SLX4: variants seen among roughly 807,000 people sequenced by gnomAD.
SLX4 encodes structure-specific endonuclease subunit SLX4.
In SLX4, 112 loss-of-function variants were observed where a neutral mutation model predicts 146.2. That is an observed-to-expected ratio of 0.77 (90% CI 0.66 to 0.90). SLX4 has a LOEUF of 0.90. Ranked by LOEUF, SLX4 falls within the 40% of genes least tolerant of loss-of-function variation. The pLI is 0.00. For synonymous variants in SLX4, 1,061 were observed against 997.7 expected (o/e 1.06, Z -1.20); for missense variants, 2,563 against 2,392.7 (o/e 1.07, Z -1.49).
At chr16:3,602,393 C>T (rs527986782) in intron 3 of SLX4, 86 bp from the exon 4 acceptor site, 1 of 1,504,050 alleles carries the variant, frequency 6.6e-7, no homozygotes, top group African/African-American at 1.4e-5. Context: ...TCCTGCAGAC[C>T]ATGGGGAGCA....
chr16:3,590,882 G>A lies in SLX4; in HGVS notation c.2756C>T (p.Thr919Ile), dbSNP rs145533919. Residue 919 changes from threonine to isoleucine, a missense_variant, in exon 12 of 15, where the codon ACC becomes ATC. Physicochemically the swap from Thr to Ile is moderately conservative, Grantham distance 89. Coordinates refer to ENST00000294008, the MANE Select transcript of SLX4 (RefSeq NM_032444.4). The surrounding 1 kb of genome is among the most constrained non-coding windows in gnomAD (Gnocchi z 4.8). ...AGCGCACTGTCCCATCTTCTCCCAG[G>A]TGGTGGCGGCCTCATCTCTTCCTGG... ...LEPGRDEAAT[T>I]WEKMGQCALP... 134 of 1,614,058 alleles carry A rather than the reference G, an allele frequency of 8.3e-5. 1 individual carries two copies. The African/African-American group carries it at 1.6e-3, about 20-fold the overall frequency.
intron 2 of SLX4, among the ~76,000 whole-genome samples, chr16:3,607,812 C>A (rs910366157): frequency 2.0e-5 from 3 of 152,194 alleles, no homozygotes; most frequent in Non-Finnish European, 4.4e-5. Context: ...CTCATGCGGC[C>A]CTCTCAGCAG....
Position 3,589,900 on chromosome 16 carries a change from G to A in SLX4, c.3738C>T (p.Ser1246=), listed in dbSNP as rs376232540. 86 of 1,613,822 alleles carry A rather than the reference G, an allele frequency of 5.3e-5. No individual in the cohort carries two copies. The highest frequency in any genetic ancestry group is 3.3e-4 in the Admixed American group (20 of 60,020). The change falls in exon 12 of 15, where the codon AGC becomes AGT. Residue 1246 remains serine (S), a synonymous_variant. Transcript: ENST00000294008. This position sits in a 1 kb window ranked among gnomAD's most constrained non-coding sequence, Gnocchi z 6.2. ...ACGAGGTGTCTGTGGTGCTGGCCTC[G>A]CTGGGGCTGCTCTCACGGTCACAGA... is the stretch of plus-strand genomic sequence containing the variant. The part of the protein sequence containing the change: ...WLFCDRESSP[S]EASTTDTSWL...
rs778046762 is a variant in SLX4 at position 3,608,977 on chromosome 16, C to T, written c.-13G>A. On this transcript the variant is annotated 5_prime_UTR_variant, in exon 2 of 15. It removes the in-frame stop codon of an upstream open reading frame in the 5' UTR. Coordinates refer to ENST00000294008, the MANE Select transcript of SLX4 (RefSeq NM_032444.4). ...CACTCAGTTTCATTAGGGTTCTTCT[C>T]TACTTCTCCATTAGATACTTGGAGA... is the stretch of plus-strand genomic sequence containing the variant. 2.5e-6 allele frequency: 4 copies of T among 1,610,934 alleles called. No individual in the cohort carries two copies. In the South Asian group the frequency reaches 4.4e-5, roughly 18 times the overall value.
chr16:3,583,424 T>A lies in SLX4; in HGVS notation c.4826A>T (p.Asp1609Val). Residue 1609 changes from aspartate to valine, a missense_variant, in exon 14 of 15, where the codon GAC (aspartate) becomes GTC (valine). Coordinates refer to ENST00000294008, the MANE Select transcript of SLX4 (RefSeq NM_032444.4). ...FQYTHQTLDS[D>V]SEDESQSSQP... Reference sequence around the variant, plus strand: ...TGAGGACTGGCTCTCGTCCTCGGAGTCTGAGTCCAGGGTCTGGTGAGTGTA... The same window carrying A: ...TGAGGACTGGCTCTCGTCCTCGGAGACTGAGTCCAGGGTCTGGTGAGTGTA... 1 of 1,613,768 alleles carries A rather than the reference T, an allele frequency of 6.2e-7. No homozygotes were observed. Among genetic ancestry groups the A allele is most frequent in the Non-Finnish European group, 8.5e-7 (1 of 1,179,840 alleles).
chr16:3,610,681 T>G (rs1484238767), intron 1 of SLX4, among the ~76,000 whole-genome samples: 1 of 152,212 alleles, frequency 6.6e-6, no homozygotes, highest in Non-Finnish European at 1.5e-5. Context: ...ATCGGCTTAT[T>G]ATCTGTCCCC....
At position 3,583,316 on chromosome 16, in the gene SLX4, T is replaced by C; in HGVS notation, c.4934A>G (p.Gln1645Arg). 6.2e-7 allele frequency: 1 copy of C among 1,614,118 alleles called. No homozygotes were observed. The highest frequency in any genetic ancestry group is 8.5e-7 in the Non-Finnish European group (1 of 1,180,004). Residue 1645 changes from glutamine (Q) to arginine (R), a missense_variant, in exon 14 of 15, where the codon CAG (glutamine) becomes CGG (arginine). Gln to Arg is a conservative substitution (Grantham distance 43). Coordinates refer to ENST00000294008, the MANE Select transcript of SLX4 (RefSeq NM_032444.4). ...GGCCCCAGGTCCTGTGGTGGCCTCC[T>C]GCTGGGCATGGACCCCTGCCCTTGA... ...KPSRAGVHAQ[Q>R]EATTGPGAHR... is the part of the protein sequence containing the mutation.
intron 12 of SLX4, among the ~76,000 whole-genome samples, chr16:3,585,344 T>G (rs1057504748): frequency 3.3e-5 from 5 of 152,100 alleles, no homozygotes; most frequent in Non-Finnish European, 7.4e-5. Context: ...CCCAGCACTT[T>G]GGGAGGCCGA....
chr16:3,602,384 C>T (rs1046623998), intron 3 of SLX4, 77 bp from the exon 4 acceptor site: 6 of 1,543,190 alleles, frequency 3.9e-6, no homozygotes, highest in Non-Finnish European at 5.3e-6. Flanking sequence ...TCTGTCAGCT[C>T]CTGCAGACCA....
chr16:3,601,488 T>C (rs1015043400), intron 4 of SLX4: 5 of 446,972 alleles, frequency 1.1e-5, no homozygotes, highest in African/African-American at 1.0e-4. Context: ...CCCAAACAAA[T>C]ACATGAAACC....
At chr16:3,598,909 C>A (rs192581911) in intron 5 of SLX4, among the ~76,000 whole-genome samples, 1 of 152,332 alleles carries the variant, frequency 6.6e-6, no homozygotes, top group East Asian at 1.9e-4. Flanking sequence ...GAATATGAGG[C>A]ACTCTGGCCG....
At position 3,596,327 on chromosome 16, in the gene SLX4, A is replaced by G; in HGVS notation, c.1750T>C (p.Ser584Pro). The G allele has an allele frequency of 6.3e-7, 1 of 1,587,066 alleles. No individual in the cohort carries two copies. Among genetic ancestry groups the G allele is most frequent in the Non-Finnish European group, 8.6e-7 (1 of 1,167,404 alleles). The change falls in exon 8 of 15, where the codon TCA becomes CCA. Residue 584 changes from serine (S) to proline (P), a missense_variant. By Grantham distance (74) the Ser-to-Pro change is moderately conservative. Coordinates refer to ENST00000294008, the MANE Select transcript of SLX4 (RefSeq NM_032444.4). ...GTGGGGGTGCCGTGGAGAGCGGGTG[A>G]CCTTCGCTCGCTCAGCTCTGAGTGC... The part of the protein sequence containing the change: ...PEHSELSERR[S>P]PALHGTPTAG...
At chr16:3,591,343 T>C (rs1215764499) in intron 11 of SLX4, 33 bp from the exon 12 acceptor site, 1 of 1,605,438 alleles carries the variant, frequency 6.2e-7, no homozygotes, top group Non-Finnish European at 8.5e-7. Flanking sequence ...TCATCGCCCC[T>C]CTGCGTGGAG....
In SLX4 at chr16:3,606,341, G is replaced by C. The variant is rs1015327541; in HGVS notation, c.760+133C>G. The C allele has an allele frequency of 7.3e-6, 7 of 963,312 alleles. No individual in the cohort carries two copies. The African/African-American group carries it at 1.1e-4, about 15-fold the overall frequency. The allele number at this position is 963,312 out of a possible 1,614,324, so 59.7% of individuals were successfully genotyped here. On this transcript the variant is annotated intron_variant, in intron 3 of 14. Coordinates refer to ENST00000294008, the MANE Select transcript of SLX4 (RefSeq NM_032444.4). ...ATTCTCTGGCTGGATCCAGTGAAGT[G>C]GCAAAGGTAAAACATCAAGCAGAGA...
rs1361896601 is a variant in SLX4, at chr16:3,583,259, C to A, written c.4991G>T (p.Gly1664Val). The change falls in exon 14 of 15, where the codon GGC becomes GTC. Residue 1664 changes from glycine to valine, a missense_variant. Coordinates refer to ENST00000294008, the MANE Select transcript of SLX4 (RefSeq NM_032444.4). ...HRPKGPAKTKGPRHQRKHHES... is the reference protein window; with the variant it reads ...HRPKGPAKTKVPRHQRKHHES... Reference sequence around the variant, plus strand: ...ATGATGCTTCCTTTGATGTCGGGGGCCCTTGGTCTTAGCAGGTCCCTTGGG... The same window carrying A: ...ATGATGCTTCCTTTGATGTCGGGGGACCTTGGTCTTAGCAGGTCCCTTGGG... The A allele has an allele frequency of 6.2e-7, 1 of 1,614,150 alleles. No homozygotes were observed. Among genetic ancestry groups the A allele is most frequent in the East Asian group, 2.2e-5 (1 of 44,860 alleles).
At position 3,601,131 on chromosome 16, in the gene SLX4, C is replaced by A. The variant is rs778310070; in HGVS notation, c.1011G>T (p.Pro337=). Residue 337 remains proline, a synonymous_variant, in exon 5 of 15, where the codon CCG becomes CCT. Transcript: ENST00000294008. ...AGGTAAGAAACGGTTTCCCACAAAT[C>A]GGGCACTCAGGGATCTGAGGCACAG... The part of the protein sequence containing the change: ...RPSVPQIPEC[P]ICGKPFLTLK... 6.2e-7 allele frequency: 1 copy of A among 1,614,072 alleles called. No individual in the cohort carries two copies. Among genetic ancestry groups the A allele is most frequent in the Non-Finnish European group, 8.5e-7 (1 of 1,180,030 alleles).
At chr16:3,602,028 G>T (rs968582941) in intron 4 of SLX4, 90 bp downstream of exon 4, 82 of 1,490,310 alleles carry the variant, frequency 5.5e-5, no homozygotes, top group Non-Finnish European at 7.4e-5. Context: ...TGTTGTCATG[G>T]TAAGGTGTGG....
intron 3 of SLX4, among the ~76,000 whole-genome samples, chr16:3,603,507 C>G (rs753634714): frequency 6.6e-6 from 1 of 152,208 alleles, no homozygotes; most frequent in African/African-American, 2.4e-5. Context: ...ACTGATGCCT[C>G]GGCAGGACAT....
Position 3,606,665 on chromosome 16 carries a change from G to C in SLX4, c.569C>G (p.Pro190Arg). 6.2e-7 allele frequency: 1 copy of C among 1,614,212 alleles called. No homozygotes were observed. The highest frequency in any genetic ancestry group is 8.5e-7 in the Non-Finnish European group (1 of 1,180,048). ...TGGCACTGCTGTTGTCAAACAGGAA[G>C]GAGGAGGCTGGGAGTCGCTGTTGGG... is the stretch of plus-strand genomic sequence containing the variant. Reference protein sequence around the residue: ...NVPNSDSQPPPSCLTTAVPSP... With the variant: ...NVPNSDSQPPRSCLTTAVPSP... Residue 190 changes from proline (P) to arginine (R), a missense_variant, in exon 3 of 15, where the codon CCT (proline) becomes CGT (arginine). By Grantham distance (103) the Pro-to-Arg change is moderately radical. Coordinates refer to ENST00000294008, the MANE Select transcript of SLX4 (RefSeq NM_032444.4).
Sources: allele counts gnomAD v4.1 joint callset (sites outside exome capture counted in the v4.1 genomes callset), GRCh38; gene constraint gnomAD v4.1.1; non-coding constraint Gnocchi (gnomAD v3.1); transcripts MANE v1.5; gene names NCBI Gene and HGNC (gene_info 2026-07-23, HGNC 2026-07-21).